The following BOLL variants were observed in gnomAD, a reference collection of about 807,000 sequenced individuals.
BOLL encodes boule RNA binding protein.
Under a neutral mutation model 44.4 loss-of-function variants are expected in BOLL, and 23 were observed. That is an observed-to-expected ratio of 0.52 (90% CI 0.37 to 0.73). The LOEUF is 0.73. BOLL is among the 30% of genes least tolerant of loss of function. BOLL has a pLI of 0.00. For synonymous variants in BOLL, 97 were observed against 110.8 expected, an observed-to-expected ratio of 0.88 and a Z score of 0.78; for missense variants, 287 against 338.3, an observed-to-expected ratio of 0.85 and a Z score of 1.19.
Position 197,785,086 on chromosome 2 carries a change from C to T in BOLL, c.-46G>A. ...CAGTCACTGCCTCGGCGCTCCTCCC[C>T]CTCCAAGGCCAGCAAGTTGCGGCAC... is the stretch of plus-strand genomic sequence containing the variant. On this transcript the variant is annotated 5_prime_UTR_variant, in exon 1 of 11. Transcript: ENST00000392296. This position sits in a 1 kb window ranked among gnomAD's most constrained non-coding sequence, Gnocchi z 6.7. 2.0e-6 allele frequency: 2 copies of T among 986,016 alleles called. No individual in the cohort carries two copies. The highest frequency in any genetic ancestry group is 3.5e-5 in the African/African-American group (2 of 57,372). The allele number at this position is 986,016 out of a possible 1,614,324, so 61.1% of individuals were successfully genotyped here.
At chr2:197,732,069 T>G (rs372220555) in intron 10 of BOLL, among the ~76,000 whole-genome samples, 20,787 of 148,112 alleles carry the variant, frequency 0.14, 1,679 homozygotes, top group East Asian at 0.26. Flanking sequence ...CTAGCAAGAC[T>G]AATAAAGAAA....
intron 2 of BOLL, among the ~76,000 whole-genome samples, chr2:197,781,069 T>C (rs1689755317): frequency 6.6e-6 from 1 of 152,130 alleles, no homozygotes; most frequent in Admixed American, 6.5e-5. Context: ...ACGTGCAGAT[T>C]TGTTATAAAC....
intron 7 of BOLL, 22 bp from the exon 8 acceptor site, chr2:197,757,422 G>T (rs1688567114): frequency 1.3e-6 from 2 of 1,597,982 alleles, no homozygotes; most frequent in East Asian, 2.2e-5. Flanking sequence ...TAAAAGAAAA[G>T]AAAAACCCAT....
At chr2:197,774,557 A>G (rs1366688546) in intron 5 of BOLL, 1 of 152,004 alleles carries the variant, frequency 6.6e-6, no homozygotes, top group Admixed American at 6.6e-5. Context: ...GAAAGCATTC[A>G]GCATAGTGCT....
At chr2:197,731,808 C>T (rs1687197056) in intron 10 of BOLL, among the ~76,000 whole-genome samples, 1 of 151,396 alleles carries the variant, frequency 6.6e-6, no homozygotes, top group Non-Finnish European at 1.5e-5. Flanking sequence ...GGGACGCATT[C>T]AAAGCAGTGT....
chr2:197,747,613 G>T (rs974487546), intron 9 of BOLL, among the ~76,000 whole-genome samples: 1 of 148,574 alleles, frequency 6.7e-6, no homozygotes, highest in African/African-American at 2.5e-5. Context: ...AAAAGGTGGG[G>T]CATGAAACAA....
chr2:197,732,482 C>G (rs916544867), intron 10 of BOLL, among the ~76,000 whole-genome samples: 8 of 152,080 alleles, frequency 5.3e-5, no homozygotes, highest in African/African-American at 1.9e-4. Context: ...CATTCTGATA[C>G]CAAAGCCAGG....
At chr2:197,769,301 T>C (rs566580492) in intron 6 of BOLL, among the ~76,000 whole-genome samples, 21 of 152,222 alleles carry the variant, frequency 1.4e-4, no homozygotes, top group African/African-American at 5.1e-4. Flanking sequence ...TGGAATTTTT[T>C]TATTTGGTAG....
intron 9 of BOLL, among the ~76,000 whole-genome samples, chr2:197,754,281 A>T (rs1172660941): frequency 6.6e-6 from 1 of 152,174 alleles, no homozygotes; most frequent in Non-Finnish European, 1.5e-5. Context: ...AATGTAAAGT[A>T]TAATAAAAAA....
intron 6 of BOLL, 99 bp from the exon 7 acceptor site, chr2:197,766,702 G>A: frequency 1.2e-6 from 1 of 809,446 alleles, no homozygotes; most frequent in South Asian, 1.7e-5. Context: ...TAAACTTCTG[G>A]TTTATGATTA....
At chr2:197,773,054 T>G (rs1053309381) in intron 5 of BOLL, among the ~76,000 whole-genome samples, 1 of 151,828 alleles carries the variant, frequency 6.6e-6, no homozygotes, top group Non-Finnish European at 1.5e-5. Flanking sequence ...TCAGCTTTTA[T>G]ATTTTCACTG....
At chr2:197,762,644 C>T (rs1462872063) in intron 7 of BOLL, among the ~76,000 whole-genome samples, 2 of 152,014 alleles carry the variant, frequency 1.3e-5, no homozygotes, top group African/African-American at 4.8e-5. Flanking sequence ...AAGCAACATA[C>T]TGCTGAATGA....
intron 10 of BOLL, among the ~76,000 whole-genome samples, chr2:197,729,254 G>T (rs946266094): frequency 1.3e-5 from 2 of 152,284 alleles, no homozygotes; most frequent in Non-Finnish European, 2.9e-5. Flanking sequence ...GCGCTTTTCC[G>T]ACGGGCTTAA....
At chr2:197,770,379 A>C (rs1689189329) in intron 6 of BOLL, among the ~76,000 whole-genome samples, 1 of 152,218 alleles carries the variant, frequency 6.6e-6, no homozygotes. Context: ...TGTTAGACCC[A>C]AAACCATAAA....
upstream of BOLL, chr2:197,785,851 C>T (rs1040188138): frequency 3.6e-5 from 29 of 815,454 alleles, no homozygotes; most frequent in African/African-American, 4.9e-4. This position sits in a 1 kb window ranked among gnomAD's most constrained non-coding sequence, Gnocchi z 6.7. Context: ...GGGCACCTGG[C>T]CACGTTTCTT....
At chr2:197,752,177 A>G (rs1211419977) in intron 9 of BOLL, among the ~76,000 whole-genome samples, 1 of 152,232 alleles carries the variant, frequency 6.6e-6, no homozygotes, top group Non-Finnish European at 1.5e-5. Context: ...ATTTATGACA[A>G]ACGAATAGCC....
intron 7 of BOLL, among the ~76,000 whole-genome samples, chr2:197,761,826 T>C (rs1278985471): frequency 6.6e-6 from 1 of 152,022 alleles, no homozygotes; most frequent in African/African-American, 2.4e-5. Context: ...CAAAACCAAC[T>C]TCAAGTTAAA....
chr2:197,781,931 C>T, intron 1 of BOLL, 66 bp from the exon 2 acceptor site: 1 of 1,336,888 alleles, frequency 7.5e-7, no homozygotes, highest in Non-Finnish European at 9.9e-7. Flanking sequence ...TGATGCAGAC[C>T]AAAAACATAT....
In BOLL at chr2:197,785,291, C is replaced by G. The variant is rs1468309029; in HGVS notation, c.-251G>C. ...CAGTGGCGGGAAGCCTCAACGGCAG[C>G]GACCCCGCCGCTGGCCTCGTGCGCA... is the stretch of plus-strand genomic sequence containing the variant. On this transcript the variant is annotated 5_prime_UTR_variant, in exon 1 of 11. Coordinates refer to ENST00000392296, the MANE Select transcript of BOLL (RefSeq NM_033030.6). The surrounding 1 kb of genome is among the most constrained non-coding windows in gnomAD (Gnocchi z 6.7). 2.7e-5 allele frequency: 27 copies of G among 985,010 alleles called. No individual in the cohort carries two copies. Among genetic ancestry groups the G allele is most frequent in the Non-Finnish European group, 2.8e-5 (23 of 829,652 alleles). 61.0% of individuals were successfully genotyped at this position (985,010 alleles called of 1,614,324 possible).
Sources: gnomAD v4.1 joint callset for allele counts (sites outside exome capture counted in the v4.1 genomes callset) on GRCh38, gnomAD v4.1.1 for gene constraint, Gnocchi (gnomAD v3.1) non-coding constraint, MANE v1.5 for transcripts, NCBI Gene and HGNC (gene_info 2026-07-23, HGNC 2026-07-21) for gene names.